CDH19: variants seen among roughly 807,000 people sequenced by gnomAD.
CDH19 encodes cadherin-19.
In CDH19, 67 loss-of-function variants were observed where a neutral mutation model predicts 64.2. That is an observed-to-expected ratio of 1.04 (90% confidence interval 0.86 to 1.28). CDH19 has a LOEUF of 1.28. Ranked by LOEUF, CDH19 falls within the 50% of genes most tolerant of loss-of-function variation. The pLI is 0.00. For synonymous variants in CDH19, 346 were observed against 319.3 expected (o/e 1.08, Z -0.89); for missense variants, 1,030 against 929.0 (o/e 1.11, Z -1.41).
rs996725956 is a variant in CDH19 at position 66,569,648 on chromosome 18, T to TA, written c.196-939dup. 1.2e-4 allele frequency among the ~76,000 whole-genome samples: 18 copies of TA among 151,750 alleles called. No individual in the cohort carries two copies. In the South Asian group the frequency reaches 2.5e-3, roughly 21 times the overall value. Reference sequence around the variant, plus strand: ...TTATTTAGAATTTTTAATTTATCTGTAAAAAAACCCGTCTAATTCTGATAT... The same window carrying TA: ...TTATTTAGAATTTTTAATTTATCTGTAAAAAAAACCCGTCTAATTCTGATAT... On this transcript the variant is annotated intron_variant, in intron 2 of 11. Transcript: ENST00000262150.
intron 9 of CDH19, among the ~76,000 whole-genome samples, chr18:66,522,283 C>T (rs1243652348): frequency 6.6e-6 from 1 of 151,744 alleles, no homozygotes; most frequent in African/African-American, 2.4e-5. Context: ...ACTCTTGTTA[C>T]CCAGGCTGGA....
At chr18:66,574,805 G>C (rs1174543479) in intron 1 of CDH19, among the ~76,000 whole-genome samples, 1 of 151,768 alleles carries the variant, frequency 6.6e-6, no homozygotes, top group Non-Finnish European at 1.5e-5. Context: ...GTTATATATA[G>C]AATAACAAAG....
intron 9 of CDH19, among the ~76,000 whole-genome samples, chr18:66,524,245 AT>A (rs922931731): frequency 6.6e-6 from 1 of 151,882 alleles, no homozygotes; most frequent in East Asian, 1.9e-4. Flanking sequence ...ACCTGTAAAT[AT>A]TTTTTAAAAC....
chr18:66,569,882 T>C (rs141536421), intron 2 of CDH19, among the ~76,000 whole-genome samples: 1 of 151,694 alleles, frequency 6.6e-6, no homozygotes, highest in African/African-American at 2.4e-5. Flanking sequence ...ATGGCTTAAG[T>C]TATAATTTCT....
intron 1 of CDH19, among the ~76,000 whole-genome samples, chr18:66,602,738 G>A (rs992728144): frequency 4.6e-5 from 7 of 151,558 alleles, no homozygotes; most frequent in African/African-American, 1.5e-4. Context: ...AGATCTGGTG[G>A]TTTCTAAATG....
intron 3 of CDH19, among the ~76,000 whole-genome samples, chr18:66,559,549 T>G (rs1410537595): frequency 6.6e-6 from 1 of 150,440 alleles, no homozygotes; most frequent in African/African-American, 2.4e-5. Context: ...ACTAAATAAT[T>G]AAAGTTAATA....
At chr18:66,555,786 G>A (rs549823041) in intron 3 of CDH19, among the ~76,000 whole-genome samples, 12 of 151,728 alleles carry the variant, frequency 7.9e-5, no homozygotes, top group South Asian at 4.1e-4. Flanking sequence ...TCCATATTGC[G>A]CAAGACTTGT....
intron 7 of CDH19, 142 bp downstream of exon 7, chr18:66,543,829 G>A (rs986928688): frequency 1.6e-6 from 1 of 607,008 alleles, no homozygotes; most frequent in Non-Finnish European, 2.7e-6. Context: ...GTGGCAATGA[G>A]CTGAGATTGC....
intron 5 of CDH19, among the ~76,000 whole-genome samples, chr18:66,550,160 AG>A (rs1336613994): frequency 4.6e-5 from 7 of 152,240 alleles, no homozygotes; most frequent in African/African-American, 1.7e-4. Context: ...GCTTTCTGGA[AG>A]TGCTTATAAA....
At chr18:66,572,415 G>A in intron 1 of CDH19, 99 bp from the exon 2 acceptor site, 1 of 382,110 alleles carries the variant, frequency 2.6e-6, no homozygotes, top group Non-Finnish European at 4.7e-6. Flanking sequence ...TGACAAAAGT[G>A]GAATAAAAAT....
intron 1 of CDH19, among the ~76,000 whole-genome samples, chr18:66,588,279 G>A (rs906250794): frequency 1.3e-5 from 2 of 152,192 alleles, no homozygotes; most frequent in East Asian, 3.9e-4. Flanking sequence ...GGGTTTCTGG[G>A]ATAGGCTCCT....
intron 1 of CDH19, among the ~76,000 whole-genome samples, chr18:66,600,466 C>T (rs1989010248): frequency 6.6e-6 from 1 of 151,664 alleles, no homozygotes; most frequent in South Asian, 2.1e-4. Context: ...TGATTATAAT[C>T]TCATAAAAAT....
rs1325486634 is a variant in CDH19, at chr18:66,554,481, G to T, written c.534C>A (p.Pro178=). The T allele has an allele frequency of 1.2e-6, 2 of 1,610,400 alleles. No homozygotes were observed. The highest frequency in any genetic ancestry group is 1.7e-6 in the Non-Finnish European group (2 of 1,177,336). Residue 178 remains proline, a synonymous_variant, in exon 4 of 12, where the codon CCC becomes CCA. Transcript: ENST00000262150. ...GGAGACGAGCATTATTACCACTTGA[G>T]GGATCGTCAGCATCACTTGCTGTCA... The part of the protein sequence containing the change: ...IQVTASDADD[P]SSGNNARLLY...
At chr18:66,539,317 T>C (rs1464313090) in intron 7 of CDH19, among the ~76,000 whole-genome samples, 1 of 152,114 alleles carries the variant, frequency 6.6e-6, no homozygotes, top group Non-Finnish European at 1.5e-5. Flanking sequence ...AGATTTGGAC[T>C]AGTGAAAGAG....
chr18:66,588,359 G>T (rs1412215438), intron 1 of CDH19, among the ~76,000 whole-genome samples: 1 of 151,976 alleles, frequency 6.6e-6, no homozygotes, highest in Non-Finnish European at 1.5e-5. Flanking sequence ...GTAAAATGAA[G>T]ATTTGTAAAG....
chr18:66,543,681 G>C (rs1278145947), intron 7 of CDH19, among the ~76,000 whole-genome samples: 4 of 151,930 alleles, frequency 2.6e-5, no homozygotes, highest in African/African-American at 2.4e-5. Context: ...TCAGGAGTTC[G>C]AGACCAGCCT....
intron 1 of CDH19, among the ~76,000 whole-genome samples, chr18:66,580,251 G>A: frequency 6.6e-6 from 1 of 151,966 alleles, no homozygotes; most frequent in Non-Finnish European, 1.5e-5. Flanking sequence ...TTGGCCAAAA[G>A]CAATAAATTT....
At chr18:66,531,039 T>G (rs1415999591) in intron 8 of CDH19, among the ~76,000 whole-genome samples, 1 of 152,146 alleles carries the variant, frequency 6.6e-6, no homozygotes, top group African/African-American at 2.4e-5. Context: ...TTTTGTCATA[T>G]GCGATAGAAC....
intron 1 of CDH19, among the ~76,000 whole-genome samples, chr18:66,573,915 ACACACAC>A (rs1365763414): frequency 2.6e-5 from 4 of 151,208 alleles, no homozygotes; most frequent in African/African-American, 9.8e-5. Context: ...ACACACACAC[ACACACAC>A]AAGTATACAT....
Sources: allele counts gnomAD v4.1 joint callset (sites outside exome capture counted in the v4.1 genomes callset), GRCh38; gene constraint gnomAD v4.1.1; transcripts MANE v1.5; gene names NCBI Gene and HGNC (gene_info 2026-07-23, HGNC 2026-07-21).